MID1: variants seen among roughly 807,000 people sequenced by gnomAD.
MID1 encodes midline 1, also known as E3 ubiquitin-protein ligase Midline-1.
MID1 carries 7 observed loss-of-function variants against 40.4 expected under a neutral mutation model. The observed-to-expected ratio is 0.17, with a 90% CI of 0.10 to 0.33. The LOEUF is 0.33. MID1 is among the 10% of genes least tolerant of loss of function. The pLI is 1.00. For synonymous variants in MID1, 229 were observed against 221.2 expected (o/e 1.04, Z -0.31); for missense variants, 367 against 558.5 (o/e 0.66, Z 3.46).
intron 3 of MID1, among the ~76,000 whole-genome samples, chrX:10,522,322 T>C (rs1208676939): frequency 8.9e-6 from 1 of 112,042 alleles, no homozygotes; most frequent in Non-Finnish European, 1.9e-5. Flanking sequence ...TGCCTGCAAC[T>C]ACCAGAAAAT....
intron 1 of MID1, among the ~76,000 whole-genome samples, chrX:10,702,890 C>T (rs1003622533): frequency 9.0e-6 from 1 of 111,598 alleles, no homozygotes; most frequent in African/African-American, 3.3e-5. Context: ...TAAGAAGAGA[C>T]ACCAGAGAGC....
chrX:10,640,483 C>T lies in MID1; in HGVS notation c.-186-20064G>A, dbSNP rs370069539. On this transcript the variant is annotated intron_variant, in intron 1 of 10. Coordinates refer to the MID1 transcript ENST00000380785. The stretch of plus-strand genomic sequence containing the variant: ...GAGCTAACTGTCCTAAATATATATG[C>T]ACCCAATACAGGAGCACCCAGATTC... 5.9e-4 allele frequency among the ~76,000 whole-genome samples: 66 copies of T among 111,453 alleles called. 1 individual carries two copies. In the South Asian group the frequency reaches 0.025, roughly 42 times the overall value.
In MID1 at chrX:10,453,781, G is replaced by A. The variant is rs1928489408; in HGVS notation, c.1655+1089C>T. 2.7e-5 allele frequency among the ~76,000 whole-genome samples: 3 copies of A among 112,001 alleles called. No individual in the cohort carries two copies. The Admixed American group carries it at 2.8e-4, about 11-fold the overall frequency. Reference sequence around the variant, plus strand: ...TTACAGATAATGTTTGTGGACTGCTGGTTAAGAGCCTGACCCTTGACTGCA... The same window carrying A: ...TTACAGATAATGTTTGTGGACTGCTAGTTAAGAGCCTGACCCTTGACTGCA... On this transcript the variant is annotated intron_variant, in intron 9 of 9. Transcript: ENST00000317552.
chrX:10,453,661 G>GTCTGTGGC (rs761655815), intron 9 of MID1, among the ~76,000 whole-genome samples: 1 of 112,333 alleles, frequency 8.9e-6, no homozygotes, highest in African/African-American at 3.2e-5. Flanking sequence ...TGTAGGTGTT[G>GTCTGTGGC]TCTGTGGCTG....
At chrX:10,830,601 A>T (rs1318272177) in intron 1 of MID1, among the ~76,000 whole-genome samples, 1 of 112,738 alleles carries the variant, frequency 8.9e-6, no homozygotes, top group Non-Finnish European at 1.9e-5. Context: ...AAGGATTTGA[A>T]TTTAACAAAT....
At chrX:10,636,785 G>GAGATATATATATAT (rs757390504) in intron 1 of MID1, among the ~76,000 whole-genome samples, 427 of 42,698 alleles carry the variant, frequency 0.01, 11 homozygotes, top group Non-Finnish European at 0.015. Flanking sequence ...CAACAATGGG[G>GAGATATATATATAT]ATATATATAT....
intron 1 of MID1, among the ~76,000 whole-genome samples, chrX:10,796,459 T>C (rs2043968324): frequency 9.4e-6 from 1 of 106,063 alleles, no homozygotes; most frequent in African/African-American, 3.5e-5. Flanking sequence ...TTTTGATAGG[T>C]TAATAAAGTG....
At chrX:10,494,039 C>T (rs1343534217) in intron 4 of MID1, among the ~76,000 whole-genome samples, 1 of 111,957 alleles carries the variant, frequency 8.9e-6, no homozygotes, top group African/African-American at 3.2e-5. Context: ...TGTAAGGATT[C>T]CAGATGGACA....
chrX:10,752,721 G>A (rs2043608120), intron 1 of MID1, among the ~76,000 whole-genome samples: 1 of 111,669 alleles, frequency 9.0e-6, no homozygotes, highest in Non-Finnish European at 1.9e-5. Flanking sequence ...TATTAGGTGA[G>A]GACAGGTTTT....
intron 6 of MID1, among the ~76,000 whole-genome samples, chrX:10,472,286 G>A (rs888623983): frequency 7.1e-5 from 8 of 112,408 alleles, no homozygotes; most frequent in Non-Finnish European, 1.3e-4. Flanking sequence ...TGTATTTGGG[G>A]TTGACAGCTC....
chrX:10,688,032 T>A (rs1411448357), intron 1 of MID1, among the ~76,000 whole-genome samples: 2 of 111,395 alleles, frequency 1.8e-5, no homozygotes, highest in Non-Finnish European at 3.8e-5. Context: ...GCCAATATAT[T>A]TTTTTCTTTT....
chrX:10,674,395 C>T (rs1265072960), intron 1 of MID1, among the ~76,000 whole-genome samples: 2 of 112,580 alleles, frequency 1.8e-5, no homozygotes, highest in African/African-American at 6.5e-5. Context: ...TCTTTCCCTT[C>T]TAGCCTTGGT....
At chrX:10,578,378 A>G (rs1934926380) in intron 1 of MID1, among the ~76,000 whole-genome samples, 1 of 112,084 alleles carries the variant, frequency 8.9e-6, no homozygotes, top group Non-Finnish European at 1.9e-5. Context: ...ACTTTTCCCT[A>G]TTTTGGCACT....
At chrX:10,607,963 T>C (rs993561424) in intron 1 of MID1, among the ~76,000 whole-genome samples, 10 of 112,964 alleles carry the variant, frequency 8.9e-5, no homozygotes, top group Non-Finnish European at 1.7e-4. Context: ...GCCCATATTA[T>C]GTGTGAGAAT....
chrX:10,562,615 A>C (rs1038322078), intron 2 of MID1, among the ~76,000 whole-genome samples: 1 of 105,030 alleles, frequency 9.5e-6, no homozygotes, highest in Non-Finnish European at 1.9e-5. Flanking sequence ...AGAAAGACAC[A>C]TTTTAAAAAA....
chrX:10,798,940 T>C (rs2043986161), intron 1 of MID1, among the ~76,000 whole-genome samples: 3 of 112,164 alleles, frequency 2.7e-5, no homozygotes, highest in African/African-American at 9.7e-5. Context: ...TTTGATTCTT[T>C]GTCACCATGA....
intron 1 of MID1, among the ~76,000 whole-genome samples, chrX:10,572,175 ATATG>A (rs1427839137): frequency 4.0e-5 from 4 of 99,259 alleles, no homozygotes; most frequent in Admixed American, 1.1e-4. Context: ...CTCTATATAT[ATATG>A]TATCTAATAC....
At chrX:10,620,027 C>T (rs1464549873) in intron 1 of MID1, among the ~76,000 whole-genome samples, 1 of 112,353 alleles carries the variant, frequency 8.9e-6, no homozygotes, top group African/African-American at 3.2e-5. Flanking sequence ...CTACAAACTG[C>T]TTGTAAGCCC....
chrX:10,590,421 T>C (rs1392729844), intron 1 of MID1, among the ~76,000 whole-genome samples: 1 of 111,518 alleles, frequency 9.0e-6, no homozygotes, highest in Non-Finnish European at 1.9e-5. Context: ...GTGGGTGCCC[T>C]GTGCCACTCT....
Sources: gnomAD v4.1 joint callset for allele counts (sites outside exome capture counted in the v4.1 genomes callset) on GRCh38, gnomAD v4.1.1 for gene constraint, MANE v1.5 for transcripts, NCBI Gene and HGNC (gene_info 2026-07-23, HGNC 2026-07-21) for gene names.